SYNE1: variants seen among roughly 807,000 people sequenced by gnomAD.
SYNE1 encodes spectrin repeat containing nuclear envelope protein 1.
In SYNE1, 616 loss-of-function variants were observed where a neutral mutation model predicts 1,111.0. The observed-to-expected ratio is 0.55, with a 90% CI of 0.52 to 0.59. SYNE1 has a LOEUF of 0.59. Ranked by LOEUF, SYNE1 falls within the 20% of genes least tolerant of loss-of-function variation. SYNE1 has a pLI of 0.00. For synonymous variants in SYNE1, 3,855 were observed against 3,825.8 expected, an observed-to-expected ratio of 1.01 and a Z score of -0.28; for missense variants, 10,006 against 10,417.0, an observed-to-expected ratio of 0.96 and a Z score of 1.72.
At chr6:152,223,020 C>T (rs1425338940) in intron 117 of SYNE1, among the ~76,000 whole-genome samples, 4 of 152,156 alleles carry the variant, frequency 2.6e-5, no homozygotes, top group African/African-American at 9.7e-5. Context: ...TAAAACTCCA[C>T]AGGTGAAGTA....
At chr6:152,540,338 C>T (rs1431695545) in intron 3 of SYNE1, among the ~76,000 whole-genome samples, 1 of 152,114 alleles carries the variant, frequency 6.6e-6, no homozygotes, top group Non-Finnish European at 1.5e-5. Flanking sequence ...ACCAAGACCA[C>T]TAAGTGCTGA....
At chr6:152,598,996 T>C (rs1330239753) in intron 3 of SYNE1, among the ~76,000 whole-genome samples, 3 of 152,204 alleles carry the variant, frequency 2.0e-5, no homozygotes, top group Non-Finnish European at 2.9e-5. Context: ...CTTCTGAGTC[T>C]TATACTGTAA....
intron 24 of SYNE1, among the ~76,000 whole-genome samples, chr6:152,454,896 C>G (rs1481319646): frequency 1.3e-5 from 2 of 152,016 alleles, no homozygotes; most frequent in Non-Finnish European, 2.9e-5. Context: ...TTCCATATAC[C>G]ATTCATGAAC....
chr6:152,176,888 A>G (rs940224905), intron 129 of SYNE1, among the ~76,000 whole-genome samples: 2 of 152,172 alleles, frequency 1.3e-5, no homozygotes, highest in Non-Finnish European at 2.9e-5. Context: ...GGAAAATTAT[A>G]GTTTATTTCT....
intron 3 of SYNE1, among the ~76,000 whole-genome samples, chr6:152,618,729 A>C (rs1351707187): frequency 6.6e-6 from 1 of 152,204 alleles, no homozygotes; most frequent in Non-Finnish European, 1.5e-5. Context: ...AACAAATTTC[A>C]CGATATCAAA....
chr6:152,575,870 A>G (rs1259956975), intron 3 of SYNE1, among the ~76,000 whole-genome samples: 1 of 152,252 alleles, frequency 6.6e-6, no homozygotes, highest in Non-Finnish European at 1.5e-5. Flanking sequence ...ATTACTTTCT[A>G]TCTTAGCAAC....
intron 3 of SYNE1, among the ~76,000 whole-genome samples, chr6:152,607,048 A>G (rs6910147): frequency 0.11 from 13,313 of 118,172 alleles, 728 homozygotes; most frequent in Middle Eastern, 0.2. Context: ...GCAGTGGTGC[A>G]ATCTCGTCTC....
At chr6:152,153,372 T>C (rs1056937746) in intron 133 of SYNE1, among the ~76,000 whole-genome samples, 3 of 152,312 alleles carry the variant, frequency 2.0e-5, no homozygotes, top group South Asian at 2.1e-4. Flanking sequence ...CAAACGTTCA[T>C]GCGATTGGAC....
chr6:152,213,802 T>G, intron 122 of SYNE1, 43 bp from the exon 123 acceptor site: 1 of 1,612,450 alleles, frequency 6.2e-7, no homozygotes, highest in Non-Finnish European at 8.5e-7. Context: ...TTTCACTGCT[T>G]ATTCTTACTT....
At chr6:152,402,096 G>A (rs1463152347) in intron 46 of SYNE1, among the ~76,000 whole-genome samples, 3 of 152,106 alleles carry the variant, frequency 2.0e-5, no homozygotes, top group Non-Finnish European at 4.4e-5. Context: ...CCCTGTGTAA[G>A]GCTTCTTTCT....
intron 95 of SYNE1, among the ~76,000 whole-genome samples, chr6:152,286,815 C>G (rs1025724801): frequency 3.9e-5 from 6 of 152,146 alleles, no homozygotes; most frequent in Non-Finnish European, 7.4e-5. Context: ...GAAAGAAGTT[C>G]TTAATTTTAT....
At chr6:152,476,764 G>A (rs568193411) in intron 14 of SYNE1, among the ~76,000 whole-genome samples, 105 of 152,084 alleles carry the variant, frequency 6.9e-4, no homozygotes, top group African/African-American at 2.5e-3. Context: ...ACCTTCTCGG[G>A]AGGCTAAGGT....
At chr6:152,541,616 C>A (rs1042722924) in intron 3 of SYNE1, among the ~76,000 whole-genome samples, 1 of 151,780 alleles carries the variant, frequency 6.6e-6, no homozygotes, top group African/African-American at 2.4e-5. Flanking sequence ...GGTGTGCTGG[C>A]GGGCCTCTGT....
In SYNE1 at chr6:152,311,147, A is replaced by G. The variant is rs1445217366; in HGVS notation, c.16711-274T>C. On this transcript the variant is annotated intron_variant, in intron 87 of 145. Transcript: ENST00000367255. ...TGAAGCTCCTGCTCGGTCAAGCCCA[A>G]GCTGCCCCCTCGTGAGAACAGGACA... The G allele has an allele frequency of 8.2e-6, 4 of 490,004 alleles. No individual in the cohort carries two copies. In the East Asian group the frequency reaches 1.2e-4, roughly 14 times the overall value. 30.4% of individuals were successfully genotyped at this position (490,004 alleles called of 1,614,324 possible).
intron 3 of SYNE1, among the ~76,000 whole-genome samples, chr6:152,571,166 G>A (rs2099453877): frequency 6.6e-6 from 1 of 152,266 alleles, no homozygotes; most frequent in South Asian, 2.1e-4. Flanking sequence ...ACCTTACAAT[G>A]TGTTCCATTC....
chr6:152,577,489 C>T (rs1006610781), intron 3 of SYNE1, among the ~76,000 whole-genome samples: 4 of 151,960 alleles, frequency 2.6e-5, no homozygotes, highest in African/African-American at 7.3e-5. Context: ...AATAATTAGC[C>T]GGGCATGGTG....
intron 137 of SYNE1, chr6:152,144,694 C>G (rs1362777764): frequency 6.6e-6 from 1 of 152,464 alleles, no homozygotes; most frequent in Non-Finnish European, 1.5e-5. Flanking sequence ...GCTTTCTGTC[C>G]TTTTGATTTT....
At chr6:152,415,582 C>G (rs1037136022) in intron 41 of SYNE1, among the ~76,000 whole-genome samples, 2 of 152,062 alleles carry the variant, frequency 1.3e-5, no homozygotes, top group Non-Finnish European at 2.9e-5. Context: ...CTTTTTACCA[C>G]CAAAACTACT....
intron 2 of SYNE1, among the ~76,000 whole-genome samples, chr6:152,635,033 C>T (rs529936021): frequency 6.6e-6 from 1 of 152,358 alleles, no homozygotes; most frequent in South Asian, 2.1e-4. Flanking sequence ...CTGTGACAGT[C>T]ACACCTCCTT....
Sources: gnomAD v4.1 joint callset for allele counts (sites outside exome capture counted in the v4.1 genomes callset) on GRCh38, gnomAD v4.1.1 for gene constraint, MANE v1.5 for transcripts, NCBI Gene and HGNC (gene_info 2026-07-23, HGNC 2026-07-21) for gene names.